Variants in VWA3B observed in about 807,000 individuals in gnomAD.
The protein encoded by VWA3B is von Willebrand factor A domain containing 3B.
In VWA3B, 138 loss-of-function variants were observed where a neutral mutation model predicts 158.3. The ratio of observed to expected loss-of-function variants is 0.87; its 90% CI spans 0.76 to 1.00. The LOEUF (loss-of-function observed/expected upper bound fraction) is 1.00. Among genes scored for constraint, VWA3B ranks in the 50% least tolerant of loss-of-function variants. VWA3B has a pLI of 0.00. For synonymous variants in VWA3B, 596 were observed against 587.3 expected, an observed-to-expected ratio of 1.01 and a Z score of -0.21; for missense variants, 1,555 against 1,565.1, an observed-to-expected ratio of 0.99 and a Z score of 0.11.
At chr2:98,236,009 C>T (rs1414604985) in intron 17 of VWA3B, among the ~76,000 whole-genome samples, 1 of 152,160 alleles carries the variant, frequency 6.6e-6, no homozygotes, top group African/African-American at 2.4e-5. Context: ...AACCACTAAA[C>T]AATCTATCAG....
chr2:98,205,905 A>T (rs1238612500), intron 12 of VWA3B, among the ~76,000 whole-genome samples: 1 of 152,206 alleles, frequency 6.6e-6, no homozygotes, highest in Non-Finnish European at 1.5e-5. Context: ...TATGATTTCA[A>T]ATCTTTTAAA....
intron 9 of VWA3B, among the ~76,000 whole-genome samples, chr2:98,186,126 T>C (rs1356942980): frequency 8.6e-5 from 13 of 151,480 alleles, no homozygotes; most frequent in Non-Finnish European, 1.5e-5. Flanking sequence ...ACTTGACCTT[T>C]AGTAAGTTGA....
At chr2:98,216,648 G>A (rs1684012700) in intron 13 of VWA3B, 7 of 463,572 alleles carry the variant, frequency 1.5e-5, no homozygotes, top group South Asian at 7.9e-5. Context: ...TCAGAGCAGA[G>A]GGAATGGGGA....
intron 7 of VWA3B, among the ~76,000 whole-genome samples, chr2:98,135,654 T>C (rs750490091): frequency 6.6e-6 from 1 of 152,252 alleles, no homozygotes; most frequent in East Asian, 1.9e-4. Context: ...TTTCTTAGAA[T>C]AAAATGCTTG....
chr2:98,300,449 G>T (rs1268492118), intron 25 of VWA3B, among the ~76,000 whole-genome samples: 2 of 152,216 alleles, frequency 1.3e-5, no homozygotes, highest in East Asian at 3.8e-4. Context: ...GCTGAACCAT[G>T]CTTTGCATTT....
intron 1 of VWA3B, among the ~76,000 whole-genome samples, chr2:98,090,130 A>G (rs1682172128): frequency 6.6e-6 from 1 of 152,210 alleles, no homozygotes; most frequent in Admixed American, 6.5e-5. Context: ...TGAAATAGTA[A>G]AGAAAAAAGT....
downstream of VWA3B, among the ~76,000 whole-genome samples, chr2:98,318,180 A>G (rs950789591): frequency 2.0e-5 from 3 of 152,222 alleles, 1 homozygote; most frequent in Non-Finnish European, 2.9e-5. Context: ...TCAAAGACCT[A>G]AAGACAGAAA....
intron 26 of VWA3B, among the ~76,000 whole-genome samples, chr2:98,304,482 A>T (rs1690393678): frequency 6.6e-6 from 1 of 152,210 alleles, no homozygotes; most frequent in South Asian, 2.1e-4. Flanking sequence ...AGTTTCTGTT[A>T]GAGCTTGCAG....
intron 8 of VWA3B, among the ~76,000 whole-genome samples, chr2:98,177,149 G>T (rs1487559787): frequency 6.6e-6 from 1 of 152,160 alleles, no homozygotes; most frequent in East Asian, 1.9e-4. Flanking sequence ...ATCTATTTGT[G>T]TGTGGCCCTG....
chr2:98,223,061 A>G (rs12478769), intron 14 of VWA3B, among the ~76,000 whole-genome samples: 87,610 of 152,136 alleles, frequency 0.58, 25,687 homozygotes, highest in South Asian at 0.81. Context: ...CTGTCATAAA[A>G]ATGCTTCAAC....
At chr2:98,300,818 C>T (rs866796568) in intron 25 of VWA3B, among the ~76,000 whole-genome samples, 5 of 152,066 alleles carry the variant, frequency 3.3e-5, no homozygotes, top group African/African-American at 1.2e-4. Context: ...GCCAGTGCAC[C>T]CCCTTTCCCC....
intron 22 of VWA3B, among the ~76,000 whole-genome samples, chr2:98,273,318 C>G (rs1318809749): frequency 6.6e-6 from 1 of 152,106 alleles, no homozygotes; most frequent in Admixed American, 6.5e-5. Flanking sequence ...TTTATTCTTT[C>G]TTCTGCAAAT....
chr2:98,139,239 G>A (rs974787252), intron 7 of VWA3B, among the ~76,000 whole-genome samples: 16 of 152,222 alleles, frequency 1.1e-4, no homozygotes, highest in Non-Finnish European at 1.5e-4. Context: ...CTGCCTTCCC[G>A]CGGGGCAGGC....
At position 98,129,224 on chromosome 2, in the gene VWA3B, A is replaced by AGTGTGTGT. The variant is rs1228441504; in HGVS notation, c.872+844_872+851dup. Among the ~76,000 whole-genome samples the AGTGTGTGT allele has an allele frequency of 1.1e-3, 135 of 124,652 alleles. 2 individuals are homozygous for AGTGTGTGT. The East Asian group carries it at 0.015, about 14-fold the overall frequency. 81.8% of individuals were successfully genotyped at this position (124,652 alleles called of 152,430 possible). On this transcript the variant is annotated intron_variant, in intron 6 of 27. Coordinates refer to ENST00000477737, the MANE Select transcript of VWA3B (RefSeq NM_144992.5). The stretch of plus-strand genomic sequence containing the variant: ...AGAGAGAGGAGAGAGAGAGAGAGAG[A>AGTGTGTGT]GTGTGTGTGTGTGTGTGTGTGTGTG...
intron 7 of VWA3B, among the ~76,000 whole-genome samples, chr2:98,154,178 C>T (rs1388050872): frequency 2.0e-5 from 3 of 152,172 alleles, no homozygotes; most frequent in African/African-American, 7.2e-5. Flanking sequence ...CTTTCTACTG[C>T]TCTGACATAG....
chr2:98,153,964 C>T (rs1394625606), intron 7 of VWA3B, among the ~76,000 whole-genome samples: 3 of 152,094 alleles, frequency 2.0e-5, no homozygotes, highest in Admixed American at 6.5e-5. Context: ...AGGGCTCAAG[C>T]GATTCTCCTG....
At chr2:98,155,799 G>A (rs554095391) in intron 7 of VWA3B, among the ~76,000 whole-genome samples, 1 of 152,314 alleles carries the variant, frequency 6.6e-6, no homozygotes, top group South Asian at 2.1e-4. Flanking sequence ...GCAGGGGAAA[G>A]GGAGTGCTGC....
chr2:98,264,416 A>AT (rs1324069115), intron 21 of VWA3B, among the ~76,000 whole-genome samples: 4 of 151,816 alleles, frequency 2.6e-5, no homozygotes, highest in Non-Finnish European at 5.9e-5. Flanking sequence ...GATATGTTGT[A>AT]TTTTTCCTTC....
chr2:98,248,690 G>A (rs1686555192), intron 19 of VWA3B, among the ~76,000 whole-genome samples: 1 of 152,002 alleles, frequency 6.6e-6, no homozygotes, highest in African/African-American at 2.4e-5. Flanking sequence ...CCTCTGCCTT[G>A]CCATCTTTGG....
Sources: gnomAD v4.1 joint callset for allele counts (sites outside exome capture counted in the v4.1 genomes callset) on GRCh38, gnomAD v4.1.1 for gene constraint, MANE v1.5 for transcripts, NCBI Gene and HGNC (gene_info 2026-07-23, HGNC 2026-07-21) for gene names.